The following THSD4 variants were observed in gnomAD, a reference collection of about 807,000 sequenced individuals.
THSD4 encodes the protein thrombospondin type-1 domain-containing protein 4.
Under a neutral mutation model 119.0 loss-of-function variants are expected in THSD4, and 69 were observed. The observed-to-expected ratio is 0.58, with a 90% CI of 0.48 to 0.71. The LOEUF (loss-of-function observed/expected upper bound fraction) is 0.71. Among genes scored for constraint, THSD4 ranks in the 30% least tolerant of loss-of-function variants. The pLI, the probability that THSD4 is intolerant of heterozygous loss-of-function variation, is 0.00. For synonymous variants in THSD4, 524 were observed against 540.4 expected (o/e 0.97, Z 0.42); for missense variants, 1,393 against 1,391.1 (o/e 1.00, Z -0.02).
Position 71,737,749 on chromosome 15 carries a change from C to A in THSD4, c.1648C>A (p.Gln550Lys). The change falls in exon 11 of 18, where the codon CAG (glutamine) becomes AAG (lysine). Residue 550 changes from glutamine (Q) to lysine (K), a missense_variant. Coordinates refer to ENST00000261862, the MANE Select transcript of THSD4 (RefSeq NM_024817.3). Reference sequence around the variant, plus strand: ...TCTCCTAGGGGAACCCTTCAATGGCCAGATGGTGACAGAAGGCAGGAGCCA... The same window carrying A: ...TCTCCTAGGGGAACCCTTCAATGGCAAGATGGTGACAGAAGGCAGGAGCCA... ...HRRPGEPFNG[Q>K]MVTEGRSQEE... is the part of the protein sequence containing the mutation. The A allele has an allele frequency of 6.2e-7, 1 of 1,611,422 alleles. No individual in the cohort carries two copies. Among genetic ancestry groups the A allele is most frequent in the Non-Finnish European group, 8.5e-7 (1 of 1,178,608 alleles).
At chr15:71,477,608 C>CT (rs771704922) in intron 7 of THSD4, among the ~76,000 whole-genome samples, 43 of 152,182 alleles carry the variant, frequency 2.8e-4, no homozygotes, top group Non-Finnish European at 5.3e-4. Context: ...ACTCTTCTAT[C>CT]TGTAGGTCCT....
chr15:71,436,171 A>C (rs1263960214), intron 7 of THSD4, among the ~76,000 whole-genome samples: 5 of 152,104 alleles, frequency 3.3e-5, no homozygotes, highest in African/African-American at 1.2e-4. Context: ...AGAACCATAA[A>C]ACTCACCAGT....
chr15:71,754,601 A>G (rs947329721), intron 14 of THSD4, among the ~76,000 whole-genome samples: 3 of 152,256 alleles, frequency 2.0e-5, no homozygotes, highest in Non-Finnish European at 4.4e-5. Flanking sequence ...AGCAAAGGAC[A>G]TGAAATATGC....
chr15:71,503,318 A>G (rs2048139035), intron 7 of THSD4, among the ~76,000 whole-genome samples: 1 of 152,196 alleles, frequency 6.6e-6, no homozygotes, highest in African/African-American at 2.4e-5. Flanking sequence ...GAAGAAGGTC[A>G]GAGGGGTAGG....
rs374277110 is a variant in THSD4, at chr15:71,748,578, C to G, written c.2399C>G (p.Thr800Ser). Residue 800 changes from threonine (T) to serine (S), a missense_variant, in exon 14 of 18, where the codon ACC (threonine) becomes AGC (serine). Transcript: ENST00000261862. ...CCCTGTGCCAAGAGCTGGTTCCTCACCGAGTGGAGCGAAAGGGTGAGTGTG... is the reference window on the plus strand; with the variant it reads ...CCCTGTGCCAAGAGCTGGTTCCTCAGCGAGTGGAGCGAAAGGGTGAGTGTG... The part of the protein sequence containing the change: ...MGPCAKSWFL[T>S]EWSERCSAEC... 8.6e-5 allele frequency: 138 copies of G among 1,613,970 alleles called. No homozygotes were observed. Among genetic ancestry groups the G allele is most frequent in the Admixed American group, 1.7e-5 (1 of 60,006 alleles).
rs199965138 is a variant in THSD4, at chr15:71,426,365, C to CTG, written c.1152+14582_1152+14583dup. Among the ~76,000 whole-genome samples, 941 of 102,556 alleles carry CTG rather than the reference C, an allele frequency of 9.2e-3. 8 individuals carry two copies. Among genetic ancestry groups the CTG allele is most frequent in the East Asian group, 0.028 (123 of 4,424 alleles). The allele number at this position is 102,556 out of a possible 152,430, so 67.3% of individuals were successfully genotyped here. On this transcript the variant is annotated intron_variant, in intron 7 of 17. Coordinates refer to ENST00000261862, the MANE Select transcript of THSD4 (RefSeq NM_024817.3). The stretch of plus-strand genomic sequence containing the variant: ...TGAATGTGTGCATTTGTAAGTATAG[C>CTG]TGTGTGTGTGTGTGTGTGTGTGTGT...
At position 71,660,667 on chromosome 15, in the gene THSD4, C is replaced by G. The variant is rs181734399; in HGVS notation, c.1290C>G (p.Val430=). The change falls in exon 8 of 18, where the codon GTC becomes GTG. Residue 430 remains valine (V), a synonymous_variant. Transcript: ENST00000261862. ...TCACCAGCCTGGGCTACCACCGCGT[C>G]GTGGAGATTCCCGAGGGAGCCACGA... ...HALTSLGYHR[V]VEIPEGATKI... is the part of the protein sequence containing the mutation. 1 of 1,614,124 alleles carries G rather than the reference C, an allele frequency of 6.2e-7. No homozygotes were observed. The highest frequency in any genetic ancestry group is 1.1e-5 in the South Asian group (1 of 91,070).
At chr15:71,413,976 GCAA>G (rs2046724011) in intron 7 of THSD4, among the ~76,000 whole-genome samples, 1 of 152,212 alleles carries the variant, frequency 6.6e-6, no homozygotes, top group Admixed American at 6.5e-5. Flanking sequence ...AGATTCCAAA[GCAA>G]CTGTTTCATT....
At chr15:71,445,939 A>G (rs866498625) in intron 7 of THSD4, among the ~76,000 whole-genome samples, 3 of 152,232 alleles carry the variant, frequency 2.0e-5, no homozygotes, top group Non-Finnish European at 4.4e-5. Context: ...GTTTTACACC[A>G]TTTAGCAAAA....
chr15:71,644,272 A>G (rs1003401586), intron 7 of THSD4, among the ~76,000 whole-genome samples: 1 of 152,146 alleles, frequency 6.6e-6, no homozygotes, highest in Non-Finnish European at 1.5e-5. Context: ...AATAAGCCTG[A>G]TTTTCTATGA....
intron 8 of THSD4, among the ~76,000 whole-genome samples, chr15:71,726,325 C>G (rs954574204): frequency 6.6e-6 from 1 of 152,204 alleles, no homozygotes; most frequent in African/African-American, 2.4e-5. Context: ...TCTGATTCTA[C>G]AGGCCAGAGC....
chr15:71,688,589 A>T (rs183342659), intron 8 of THSD4, among the ~76,000 whole-genome samples: 6 of 152,324 alleles, frequency 3.9e-5, no homozygotes, highest in African/African-American at 1.4e-4. Context: ...AGGGAAATTA[A>T]ATCCTCTGTA....
At chr15:71,497,993 G>A (rs2048052745) in intron 7 of THSD4, among the ~76,000 whole-genome samples, 1 of 152,206 alleles carries the variant, frequency 6.6e-6, no homozygotes, top group Non-Finnish European at 1.5e-5. Flanking sequence ...AAAATGACAA[G>A]GGGAGGGTGG....
chr15:71,542,462 A>G (rs2048771881), intron 7 of THSD4, among the ~76,000 whole-genome samples: 2 of 152,196 alleles, frequency 1.3e-5, no homozygotes, highest in African/African-American at 4.8e-5. Context: ...TAACATCATC[A>G]GTGGTAAGTC....
At chr15:71,172,282 G>GCA (rs2043374502) in intron 3 of THSD4, 1 of 151,978 alleles carries the variant, frequency 6.6e-6, no homozygotes, top group Non-Finnish European at 1.5e-5. Flanking sequence ...CCGAGATCAT[G>GCA]CCACTGCACT....
intron 7 of THSD4, among the ~76,000 whole-genome samples, chr15:71,448,083 A>T (rs919300117): frequency 6.6e-6 from 1 of 152,194 alleles, no homozygotes; most frequent in African/African-American, 2.4e-5. Context: ...CAAAACAAAC[A>T]TTGTCAGGGT....
intron 6 of THSD4, among the ~76,000 whole-genome samples, chr15:71,324,212 A>G (rs1436415954): frequency 6.6e-6 from 1 of 151,922 alleles, no homozygotes; most frequent in East Asian, 1.9e-4. Context: ...TAACCTCCCA[A>G]CAACAAACGT....
At chr15:71,103,691 TGCCTAGCTCCACTCCCACCCCCTCA>T (rs2141340256) in intron 1 of THSD4, among the ~76,000 whole-genome samples, 1 of 152,092 alleles carries the variant, frequency 6.6e-6, no homozygotes, top group South Asian at 2.1e-4. Flanking sequence ...CTTAGATGAC[TGCCTAGCTCCACTCCCACCCCCTCA>T]GCCTCTGCCA....
At chr15:71,194,061 C>T (rs2043699101) in intron 3 of THSD4, among the ~76,000 whole-genome samples, 1 of 152,194 alleles carries the variant, frequency 6.6e-6, no homozygotes, top group Admixed American at 6.5e-5. Flanking sequence ...GGCTCTCACT[C>T]TCTCTTGCCT....
Sources: allele counts gnomAD v4.1 joint callset (sites outside exome capture counted in the v4.1 genomes callset), GRCh38; gene constraint gnomAD v4.1.1; transcripts MANE v1.5; gene names NCBI Gene and HGNC (gene_info 2026-07-23, HGNC 2026-07-21).